The following SCHIP1 variants were observed in gnomAD, a reference collection of about 807,000 sequenced individuals.
SCHIP1 encodes schwannomin interacting protein 1.
In SCHIP1, 8 loss-of-function variants were observed where a neutral mutation model predicts 29.7. The observed-to-expected ratio is 0.27, with a 90% CI of 0.16 to 0.49. The LOEUF (loss-of-function observed/expected upper bound fraction) is 0.49, where lower values mean the gene tolerates loss of function less well. SCHIP1 is among the 20% of genes least tolerant of loss of function. SCHIP1 has a pLI of 0.99. For synonymous variants in SCHIP1, 76 were observed against 94.9 expected (o/e 0.80, Z 1.16); for missense variants, 193 against 294.6 (o/e 0.66, Z 2.52).
At chr3:159,763,065 G>T in the SCHIP1 span, among the ~76,000 whole-genome samples, 82 of 152,130 alleles carry the variant, frequency 5.4e-4, 2 homozygotes, top group African/African-American at 1.6e-3. Flanking sequence ...CACACACCTC[G>T]CTGAGGTCAT....
chr3:159,506,537 T>G, the SCHIP1 span, among the ~76,000 whole-genome samples: 1 of 152,272 alleles, frequency 6.6e-6, no homozygotes, highest in Non-Finnish European at 1.5e-5. Context: ...AGGAAGTCCT[T>G]GCCCATGCCT....
chr3:159,403,194 G>T, the SCHIP1 span, among the ~76,000 whole-genome samples: 8 of 152,102 alleles, frequency 5.3e-5, no homozygotes, highest in Admixed American at 2.6e-4. Flanking sequence ...AAAATGAGGA[G>T]GGTGGAGTAT....
chr3:159,278,185 G>GGGTACAT, the SCHIP1 span, among the ~76,000 whole-genome samples: 13 of 152,216 alleles, frequency 8.5e-5, no homozygotes, highest in Admixed American at 4.6e-4. Flanking sequence ...AATATGTACT[G>GGGTACAT]GGTACATACT....
the SCHIP1 span, among the ~76,000 whole-genome samples, chr3:159,373,187 T>C: frequency 6.0e-5 from 9 of 150,974 alleles, 1 homozygote; most frequent in African/African-American, 2.2e-4. Flanking sequence ...GTAGCTCTCT[T>C]AATATCCTCT....
the SCHIP1 span, among the ~76,000 whole-genome samples, chr3:159,423,837 G>A: frequency 1.3e-5 from 2 of 151,924 alleles, no homozygotes; most frequent in African/African-American, 2.4e-5. Flanking sequence ...CACTTCACAC[G>A]GCCGGATACT....
chr3:159,884,973 T>C (rs1285804408), intron 2 of SCHIP1, among the ~76,000 whole-genome samples: 1 of 152,196 alleles, frequency 6.6e-6, no homozygotes, highest in Non-Finnish European at 1.5e-5. Flanking sequence ...TTTCAGTAAT[T>C]ACAGAATTTA....
the SCHIP1 span, chr3:159,765,169 G>A: frequency 4.2e-4 from 644 of 1,535,354 alleles, 1 homozygote; most frequent in African/African-American, 7.3e-3. Flanking sequence ...GCCCACGCGC[G>A]CACACACGCG....
the SCHIP1 span, among the ~76,000 whole-genome samples, chr3:159,377,597 T>A: frequency 7.9e-3 from 1,200 of 152,312 alleles, 16 homozygotes; most frequent in African/African-American, 0.028. Context: ...CAGGAAGTGA[T>A]GGTTTATGGG....
chr3:159,429,183 C>T, the SCHIP1 span, among the ~76,000 whole-genome samples: 3 of 141,510 alleles, frequency 2.1e-5, no homozygotes, highest in East Asian at 6.1e-4. Flanking sequence ...TACCCTAAAA[C>T]TTAAAGTATA....
At chr3:159,309,640 C>T in the SCHIP1 span, among the ~76,000 whole-genome samples, 1 of 152,124 alleles carries the variant, frequency 6.6e-6, no homozygotes, top group Admixed American at 6.5e-5. Context: ...TGTTTTTCTT[C>T]TTCCTCCTTG....
the SCHIP1 span, among the ~76,000 whole-genome samples, chr3:159,668,270 G>A: frequency 2.6e-5 from 4 of 151,934 alleles, no homozygotes; most frequent in South Asian, 2.1e-4. Context: ...CCAGCTACTC[G>A]GGAGGCTGAG....
chr3:159,845,941 G>T (rs763762851), intron 1 of SCHIP1: 5 of 152,180 alleles, frequency 3.3e-5, no homozygotes, highest in African/African-American at 1.2e-4. Context: ...CCAGTTGCCC[G>T]CACTTTAAAC....
chr3:159,494,071 C>A, the SCHIP1 span, among the ~76,000 whole-genome samples: 2,518 of 152,288 alleles, frequency 0.017, 79 homozygotes, highest in African/African-American at 0.058. Flanking sequence ...AAAGACACAA[C>A]ATACCAGAAT....
chr3:159,295,941 G>A, the SCHIP1 span, among the ~76,000 whole-genome samples: 11 of 152,146 alleles, frequency 7.2e-5, no homozygotes, highest in African/African-American at 2.7e-4. Flanking sequence ...GGAAAATGAA[G>A]TAAAATGAAG....
At chr3:159,482,124 T>C in the SCHIP1 span, among the ~76,000 whole-genome samples, 1 of 152,146 alleles carries the variant, frequency 6.6e-6, no homozygotes, top group Non-Finnish European at 1.5e-5. Flanking sequence ...GCTTTGCATA[T>C]CACGTATTTC....
chr3:159,714,298 T>A, the SCHIP1 span, among the ~76,000 whole-genome samples: 1 of 152,116 alleles, frequency 6.6e-6, no homozygotes, highest in Non-Finnish European at 1.5e-5. Context: ...ACAGCTCCAG[T>A]CTACAACTCC....
the SCHIP1 span, among the ~76,000 whole-genome samples, chr3:159,303,486 GAAAGA>G: frequency 6.7e-6 from 1 of 149,890 alleles, no homozygotes; most frequent in South Asian, 2.1e-4. Context: ...AAAAGAAAGA[GAAAGA>G]AAAGAATAGA....
At chr3:159,823,753 C>T in the SCHIP1 span, among the ~76,000 whole-genome samples, 1 of 152,222 alleles carries the variant, frequency 6.6e-6, no homozygotes. Context: ...CCACCTTTGA[C>T]AGGCTTCATG....
the SCHIP1 span, among the ~76,000 whole-genome samples, chr3:159,798,412 A>AT: frequency 6.6e-6 from 1 of 152,000 alleles, no homozygotes; most frequent in African/African-American, 2.4e-5. Flanking sequence ...ACTGTTAGTT[A>AT]TTTTTCCTTA....
Sources: gnomAD v4.1 joint callset for allele counts (sites outside exome capture counted in the v4.1 genomes callset) on GRCh38, gnomAD v4.1.1 for gene constraint, MANE v1.5 for transcripts, NCBI Gene and HGNC (gene_info 2026-07-23, HGNC 2026-07-21) for gene names.